Variants in TNRC6B observed in about 807,000 individuals in gnomAD.
TNRC6B encodes trinucleotide repeat-containing gene 6B protein.
Under a neutral mutation model 203.6 loss-of-function variants are expected in TNRC6B, and 52 were observed. The ratio of observed to expected loss-of-function variants is 0.26; its 90% confidence interval spans 0.20 to 0.32. The LOEUF is 0.32. Among genes scored for constraint, TNRC6B ranks in the 10% least tolerant of loss-of-function variants. The pLI, the probability that TNRC6B is intolerant of heterozygous loss-of-function variation, is 1.00. For synonymous variants in TNRC6B, 838 were observed against 845.7 expected, an observed-to-expected ratio of 0.99 and a Z score of 0.16; for missense variants, 1,923 against 2,286.2, an observed-to-expected ratio of 0.84 and a Z score of 3.24.
rs559846083 is a variant in TNRC6B, at chr22:40,212,829, T to C, written c.6-33186T>C. On this transcript the variant is annotated intron_variant, in intron 1 of 22. Coordinates refer to ENST00000454349, the MANE Select transcript of TNRC6B (RefSeq NM_001162501.2). Reference sequence around the variant, plus strand: ...CACACCCAGCTAATTTTTGTATTTTTAGTAGAGACGGAGTTTCACCATGTT... The same window carrying C: ...CACACCCAGCTAATTTTTGTATTTTCAGTAGAGACGGAGTTTCACCATGTT... Among the ~76,000 whole-genome samples, 12 of 152,294 alleles carry C rather than the reference T, an allele frequency of 7.9e-5. No individual in the cohort carries two copies. The South Asian group carries it at 2.5e-3, about 32-fold the overall frequency.
chr22:40,304,019 T>C (rs1388297276), intron 15 of TNRC6B, among the ~76,000 whole-genome samples: 1 of 152,214 alleles, frequency 6.6e-6, no homozygotes, highest in African/African-American at 2.4e-5. Flanking sequence ...GATTATTTGA[T>C]GAAAATATAT....
rs976873539 is a variant in TNRC6B at position 40,278,060 on chromosome 22, C to T, written c.3262+16C>T. On this transcript the variant is annotated intron_variant, in intron 9 of 22. Transcript: ENST00000454349. Reference sequence around the variant, plus strand: ...TTGTCTGTAGGTGTGTATCACTCCGCTGAAAAGAATGGAGTATATCAGTGT... The same window carrying T: ...TTGTCTGTAGGTGTGTATCACTCCGTTGAAAAGAATGGAGTATATCAGTGT... 13 of 1,554,150 alleles carry T rather than the reference C, an allele frequency of 8.4e-6. No homozygotes were observed. In the East Asian group the frequency reaches 2.4e-4, roughly 28 times the overall value.
intron 1 of TNRC6B, among the ~76,000 whole-genome samples, chr22:40,051,886 C>T (rs2067748447): frequency 1.3e-5 from 2 of 152,152 alleles, no homozygotes. Flanking sequence ...AGATACTTTA[C>T]ATTCTTTTTT....
At chr22:40,163,352 C>T (rs1184385562) in intron 4 of TNRC6B, among the ~76,000 whole-genome samples, 3 of 135,708 alleles carry the variant, frequency 2.2e-5, no homozygotes, top group African/African-American at 8.3e-5. Flanking sequence ...GAGCCAAGAT[C>T]ACACCACTGC....
chr22:40,256,513 G>T (rs1396761231), intron 3 of TNRC6B, among the ~76,000 whole-genome samples: 1 of 151,924 alleles, frequency 6.6e-6, no homozygotes, highest in Non-Finnish European at 1.5e-5. Context: ...TTAATTTATT[G>T]GAGAAAAAAT....
Position 40,322,846 on chromosome 22 carries a change from T to C in TNRC6B, c.5115-8T>C. 6.2e-7 allele frequency: 1 copy of C among 1,613,716 alleles called. No homozygotes were observed. The highest frequency in any genetic ancestry group is 1.1e-5 in the South Asian group (1 of 91,084). On this transcript the variant is annotated splice_region_variant and splice_polypyrimidine_tract_variant and intron_variant, in intron 22 of 22. Transcript: ENST00000454349. ...GATCCATAGCTCTCTTTCCCTCCCT[T>C]CTTCCAGGTGTGTGTTGGGAAACAC...
intron 3 of TNRC6B, among the ~76,000 whole-genome samples, chr22:40,154,860 AATATATATATAT>A (rs71199273): frequency 3.0e-4 from 7 of 23,582 alleles, no homozygotes; most frequent in Non-Finnish European, 4.3e-4. Context: ...AAAAAAAAAA[AATATATATATAT>A]ATATATATAT....
chr22:40,320,336 C>T (rs1175466992), intron 21 of TNRC6B, among the ~76,000 whole-genome samples: 2 of 152,020 alleles, frequency 1.3e-5, no homozygotes, highest in African/African-American at 4.8e-5. Flanking sequence ...AAAAATTAGC[C>T]GGGAGTTGTG....
At chr22:40,131,081 A>G (rs2068540073) in intron 3 of TNRC6B, among the ~76,000 whole-genome samples, 1 of 151,624 alleles carries the variant, frequency 6.6e-6, no homozygotes, top group Non-Finnish European at 1.5e-5. Flanking sequence ...TTTTTTGCCC[A>G]GATAATTTTT....
chr22:40,163,493 T>G (rs971951404), intron 4 of TNRC6B, among the ~76,000 whole-genome samples: 42 of 102,650 alleles, frequency 4.1e-4, no homozygotes, highest in Admixed American at 6.8e-4. Flanking sequence ...CCAGGCACGG[T>G]GGCTCACGCC....
intron 1 of TNRC6B, among the ~76,000 whole-genome samples, chr22:40,053,952 C>T (rs943613932): frequency 6.6e-6 from 1 of 152,164 alleles, no homozygotes; most frequent in Non-Finnish European, 1.5e-5. Flanking sequence ...TGCACAGGCT[C>T]GTGCCTGTAA....
Position 40,266,796 on chromosome 22 carries a change from T to A in TNRC6B, c.2566T>A (p.Ser856Thr). 1 of 1,613,566 alleles carries A rather than the reference T, an allele frequency of 6.2e-7. No homozygotes were observed. The highest frequency in any genetic ancestry group is 8.5e-7 in the Non-Finnish European group (1 of 1,179,670). The stretch of plus-strand genomic sequence containing the variant: ...TCCAGGCAACGTTCGACCTTCCAAT[T>A]CCAGCTGGAGCAGCGGGCCACAGCC... ...PPPGNVRPSN[S>T]SWSSGPQPAT... Residue 856 changes from serine to threonine, a missense_variant, in exon 5 of 23, where the codon TCC (serine) becomes ACC (threonine). Around this residue, in one of 8 missense-constraint regions of TNRC6B, gnomAD observed 599 missense variants for 656.5 expected, o/e 0.91. Coordinates refer to ENST00000454349, the MANE Select transcript of TNRC6B (RefSeq NM_001162501.2).
At chr22:40,158,621 A>G (rs985376735) in intron 4 of TNRC6B, among the ~76,000 whole-genome samples, 2 of 152,158 alleles carry the variant, frequency 1.3e-5, no homozygotes, top group Non-Finnish European at 1.5e-5. Flanking sequence ...TGAGAGTTTC[A>G]AACAGCCCCA....
intron 3 of TNRC6B, among the ~76,000 whole-genome samples, chr22:40,257,803 A>G (rs999345942): frequency 3.3e-5 from 5 of 152,148 alleles, no homozygotes; most frequent in Admixed American, 2.0e-4. Context: ...CGGGCAGATC[A>G]CCTGAAGTCA....
rs1047523036 is a variant in TNRC6B, at chr22:40,335,215, A to G, written c.*11974A>G. 3.1e-5 allele frequency: 4 copies of G among 128,554 alleles called. No individual in the cohort carries two copies. The highest frequency in any genetic ancestry group is 1.2e-4 in the African/African-American group (4 of 32,770). The allele number at this position is 128,554 out of a possible 1,614,324, so 8.0% of individuals were successfully genotyped here. A position where few individuals can be genotyped will look rare whatever the true frequency, so the allele number is the denominator to read the frequency against. On this transcript the variant is annotated 3_prime_UTR_variant, in exon 23 of 23. Transcript: ENST00000454349. ...AGCATAGAGGTTTAATCAAACTCCCATATGTTGAAATTGCTCCTCATATTA... is the reference window on the plus strand; with the variant it reads ...AGCATAGAGGTTTAATCAAACTCCCGTATGTTGAAATTGCTCCTCATATTA...
chr22:40,311,212 T>A (rs745977604), intron 17 of TNRC6B, among the ~76,000 whole-genome samples: 2 of 152,222 alleles, frequency 1.3e-5, no homozygotes, highest in Non-Finnish European at 2.9e-5. Flanking sequence ...TAGGTGGGAC[T>A]TTGCATTCGT....
intron 12 of TNRC6B, among the ~76,000 whole-genome samples, chr22:40,295,474 CA>C (rs5845457): frequency 0.37 from 36,583 of 98,834 alleles, 5,075 homozygotes; most frequent in South Asian, 0.5. Flanking sequence ...ACTCCATTTC[CA>C]AAAAAAAAAA....
Position 40,265,561 on chromosome 22 carries a change from G to C in TNRC6B, c.1331G>C (p.Gly444Ala). The C allele has an allele frequency of 6.2e-7, 1 of 1,613,858 alleles. No homozygotes were observed. The highest frequency in any genetic ancestry group is 8.5e-7 in the Non-Finnish European group (1 of 1,179,824). The change falls in exon 5 of 23, where the codon GGA (glycine) becomes GCA (alanine). Residue 444 changes from glycine (G) to alanine (A), a missense_variant. Gly to Ala is a moderately conservative substitution (Grantham distance 60). Coordinates refer to ENST00000454349, the MANE Select transcript of TNRC6B (RefSeq NM_001162501.2). Reference protein sequence around the residue: ...TDTVSGQSNSGNNGNNGKERE... With the variant: ...TDTVSGQSNSANNGNNGKERE... ...ACAGTCTCTGGACAAAGCAATTCTG[G>C]AAACAATGGGAACAATGGAAAAGAG...
intron 3 of TNRC6B, among the ~76,000 whole-genome samples, chr22:40,146,182 C>G (rs2068693952): frequency 1.3e-5 from 2 of 152,182 alleles, no homozygotes; most frequent in South Asian, 4.1e-4. Context: ...TTCAAAGTCT[C>G]TGCCTCAAGA....
Sources: gnomAD v4.1 joint callset for allele counts (sites outside exome capture counted in the v4.1 genomes callset) on GRCh38, gnomAD v4.1.1 for gene constraint, gnomAD v4.1.1 regional missense constraint, MANE v1.5 for transcripts, NCBI Gene and HGNC (gene_info 2026-07-23, HGNC 2026-07-21) for gene names.